Variants in PARD3 observed in about 807,000 individuals in gnomAD.
PARD3 encodes the protein partitioning defective 3 homolog.
In PARD3, 75 loss-of-function variants were observed where a neutral mutation model predicts 155.4. The ratio of observed to expected loss-of-function variants is 0.48; its 90% CI spans 0.40 to 0.58. The LOEUF is 0.58. PARD3 is among the 20% of genes least tolerant of loss of function. The pLI is 0.00. For missense variants in PARD3, 1,642 were observed against 1,721.7 expected (o/e 0.95, Z 0.82); for synonymous variants, 576 against 610.5 (o/e 0.94, Z 0.83).
At chr10:34,613,198 A>G (rs1033799477) in intron 2 of PARD3, among the ~76,000 whole-genome samples, 3 of 152,214 alleles carry the variant, frequency 2.0e-5, no homozygotes, top group African/African-American at 7.2e-5. Context: ...TTTTATAAAA[A>G]TACATTTAAA....
At chr10:34,592,415 G>A (rs1392575433) in intron 2 of PARD3, among the ~76,000 whole-genome samples, 1 of 152,138 alleles carries the variant, frequency 6.6e-6, no homozygotes, top group Non-Finnish European at 1.5e-5. Flanking sequence ...ATATTAGAAT[G>A]CATTCTATCC....
intron 23 of PARD3, among the ~76,000 whole-genome samples, chr10:34,120,113 T>C (rs954562398): frequency 6.8e-6 from 1 of 146,318 alleles, no homozygotes; most frequent in Admixed American, 7.0e-5. Flanking sequence ...AACTCCTGGG[T>C]TCAAGTGATC....
intron 1 of PARD3, among the ~76,000 whole-genome samples, chr10:34,712,502 T>C (rs1419777164): frequency 6.6e-6 from 1 of 152,206 alleles, no homozygotes; most frequent in Non-Finnish European, 1.5e-5. Flanking sequence ...TGTTTTCAAC[T>C]GTATTTTGTA....
At chr10:34,246,544 G>A (rs1953960949) in intron 22 of PARD3, among the ~76,000 whole-genome samples, 2 of 151,912 alleles carry the variant, frequency 1.3e-5, no homozygotes, top group African/African-American at 4.8e-5. Flanking sequence ...TTAGACAGAT[G>A]ACCTGAGAGG....
intron 1 of PARD3, among the ~76,000 whole-genome samples, chr10:34,772,123 T>C (rs986525045): frequency 2.5e-4 from 38 of 152,324 alleles, no homozygotes; most frequent in Middle Eastern, 3.4e-3. Flanking sequence ...GTCAGTTCTA[T>C]AGCAGAAAAC....
intron 21 of PARD3, among the ~76,000 whole-genome samples, chr10:34,277,176 A>G (rs1955926588): frequency 1.3e-5 from 2 of 152,202 alleles, no homozygotes; most frequent in South Asian, 4.1e-4. Context: ...AATTGATCAA[A>G]TAAAACCCAA....
chr10:34,587,427 TATG>T (rs1390899193), intron 2 of PARD3, among the ~76,000 whole-genome samples: 1 of 152,128 alleles, frequency 6.6e-6, no homozygotes, highest in East Asian at 1.9e-4. Flanking sequence ...AATCTTGTAT[TATG>T]ATGATGATGA....
intron 22 of PARD3, among the ~76,000 whole-genome samples, chr10:34,164,974 G>A (rs1221239191): frequency 2.0e-5 from 3 of 152,018 alleles, no homozygotes; most frequent in South Asian, 2.1e-4. Flanking sequence ...CCAACTGCAT[G>A]TAAGATAATT....
intron 5 of PARD3, among the ~76,000 whole-genome samples, chr10:34,431,607 G>T (rs1458010751): frequency 1.3e-5 from 2 of 151,886 alleles, no homozygotes; most frequent in African/African-American, 4.8e-5. Flanking sequence ...AGGCATGGTG[G>T]TGTGTGCCTG....
chr10:34,574,163 T>G (rs1248332323), intron 2 of PARD3, among the ~76,000 whole-genome samples: 1 of 152,188 alleles, frequency 6.6e-6, no homozygotes, highest in Non-Finnish European at 1.5e-5. Flanking sequence ...TTCTAAGAAT[T>G]TTATTGTAGG....
chr10:34,746,069 TC>T (rs1489666712), intron 1 of PARD3, among the ~76,000 whole-genome samples: 1 of 151,826 alleles, frequency 6.6e-6, no homozygotes, highest in African/African-American at 2.4e-5. Flanking sequence ...ACCGCTGCAC[TC>T]CAGCCTGGGC....
chr10:34,609,730 AAAC>A (rs1317680472), intron 2 of PARD3, among the ~76,000 whole-genome samples: 1 of 152,094 alleles, frequency 6.6e-6, no homozygotes, highest in African/African-American at 2.4e-5. Context: ...TGTCGAGACA[AAAC>A]AAAAAACCTG....
At chr10:34,249,895 G>C (rs1954190184) in intron 22 of PARD3, among the ~76,000 whole-genome samples, 1 of 152,212 alleles carries the variant, frequency 6.6e-6, no homozygotes, top group African/African-American at 2.4e-5. Flanking sequence ...GAGGCCACAT[G>C]CTAGGCTGCA....
At chr10:34,774,447 T>G (rs2134117894) in intron 1 of PARD3, among the ~76,000 whole-genome samples, 1 of 152,344 alleles carries the variant, frequency 6.6e-6, no homozygotes, top group Non-Finnish European at 1.5e-5. Flanking sequence ...CCTGCAGCAT[T>G]GGAAGGGATT....
intron 1 of PARD3, among the ~76,000 whole-genome samples, chr10:34,756,150 CTTTT>C (rs58993670): frequency 1.1e-5 from 1 of 94,542 alleles, no homozygotes; most frequent in Non-Finnish European, 1.9e-5. Context: ...AAAAATGCAC[CTTTT>C]TTTTTTTTTT....
intron 7 of PARD3, among the ~76,000 whole-genome samples, chr10:34,392,359 C>T (rs1224257577): frequency 6.6e-6 from 1 of 151,980 alleles, no homozygotes; most frequent in Non-Finnish European, 1.5e-5. Flanking sequence ...ACCTGATATT[C>T]TGAATATTGT....
chr10:34,754,033 T>C (rs1836393959), intron 1 of PARD3, among the ~76,000 whole-genome samples: 1 of 152,102 alleles, frequency 6.6e-6, no homozygotes, highest in Non-Finnish European at 1.5e-5. Flanking sequence ...TTTTTTTTTT[T>C]AGAGACATCG....
At chr10:34,206,118 TCTTCA>T (rs1263982427) in intron 22 of PARD3, among the ~76,000 whole-genome samples, 2 of 152,128 alleles carry the variant, frequency 1.3e-5, no homozygotes, top group African/African-American at 4.8e-5. Flanking sequence ...TTTGACCACC[TCTTCA>T]CTTAAGTCCA....
In PARD3 at chr10:34,585,753, C is replaced by T. The variant is rs4934641; in HGVS notation, c.223-68594G>A. 8.7e-3 allele frequency among the ~76,000 whole-genome samples: 1,327 copies of T among 152,096 alleles called. 13 individuals carry two copies. Among genetic ancestry groups the T allele is most frequent in the African/African-American group, 0.025 (1,058 of 41,502 alleles). ...CATAACATTAATTTATATACTTTTG[C>T]TAAAGGCTTAGAAAACTGAAAAGTA... On this transcript the variant is annotated intron_variant, in intron 2 of 24. Coordinates refer to ENST00000374788, the MANE Select transcript of PARD3 (RefSeq NM_001184785.2).
Sources: gnomAD v4.1 joint callset for allele counts (sites outside exome capture counted in the v4.1 genomes callset) on GRCh38, gnomAD v4.1.1 for gene constraint, MANE v1.5 for transcripts, NCBI Gene and HGNC (gene_info 2026-07-23, HGNC 2026-07-21) for gene names.